Variants in TENM3 observed in about 807,000 individuals in gnomAD.
TENM3 encodes the protein teneurin-3.
A neutral mutation model predicts 255.1 loss-of-function variants in TENM3; 63 were observed. That is an observed-to-expected ratio of 0.25 (90% CI 0.20 to 0.30). The LOEUF is 0.30. Among genes scored for constraint, TENM3 ranks in the 10% least tolerant of loss-of-function variants. The pLI, the probability that TENM3 is intolerant of heterozygous loss-of-function variation, is 1.00. For synonymous variants in TENM3, 1,306 were observed against 1,322.3 expected (o/e 0.99, Z 0.27); for missense variants, 2,929 against 3,461.1 (o/e 0.85, Z 3.86).
At chr4:182,621,803 A>AAT (rs1457913587) in intron 4 of TENM3, among the ~76,000 whole-genome samples, 4,040 of 13,970 alleles carry the variant, frequency 0.29, 157 homozygotes, top group East Asian at 0.52. Flanking sequence ...AATATATAAT[A>AAT]TATATATTAT....
intron 12 of TENM3, among the ~76,000 whole-genome samples, chr4:182,700,543 A>G (rs567670246): frequency 3.3e-5 from 5 of 152,276 alleles, no homozygotes; most frequent in South Asian, 2.1e-4. Flanking sequence ...GTTGCTCTTC[A>G]TGATAAGTTC....
the TENM3 span, among the ~76,000 whole-genome samples, chr4:181,848,080 C>A: frequency 2.6e-5 from 4 of 152,216 alleles, no homozygotes; most frequent in East Asian, 5.8e-4. Context: ...TTTTGCATTG[C>A]GCCCTTTATC....
At chr4:182,300,458 G>A (rs1051067891) in intron 1 of TENM3, among the ~76,000 whole-genome samples, 1 of 152,140 alleles carries the variant, frequency 6.6e-6, no homozygotes, top group Non-Finnish European at 1.5e-5. Context: ...AAGATGTTGG[G>A]TACATGTTAC....
the TENM3 span, among the ~76,000 whole-genome samples, chr4:181,839,384 T>TATGTATACAC: frequency 1.2e-5 from 1 of 83,496 alleles, no homozygotes; most frequent in Non-Finnish European, 2.3e-5. Context: ...TATATATATA[T>TATGTATACAC]ACACCTATAT....
chr4:181,484,254 C>T, the TENM3 span, among the ~76,000 whole-genome samples: 4 of 152,038 alleles, frequency 2.6e-5, no homozygotes, highest in Non-Finnish European at 4.4e-5. Context: ...CTTGATCACT[C>T]GGGAGAGATT....
At chr4:182,718,767 C>T (rs899562041) in intron 13 of TENM3, among the ~76,000 whole-genome samples, 2 of 152,156 alleles carry the variant, frequency 1.3e-5, no homozygotes, top group African/African-American at 4.8e-5. Context: ...CTATCTAATT[C>T]TCCCCATATA....
chr4:182,579,623 T>C (rs1221196789), intron 3 of TENM3, among the ~76,000 whole-genome samples: 1 of 152,190 alleles, frequency 6.6e-6, no homozygotes, highest in Non-Finnish European at 1.5e-5. Flanking sequence ...ATGTTTTCCT[T>C]TAAGATTTTT....
intron 3 of TENM3, among the ~76,000 whole-genome samples, chr4:182,388,675 G>T (rs144972556): frequency 6.6e-6 from 1 of 152,142 alleles, no homozygotes; most frequent in African/African-American, 2.4e-5. Flanking sequence ...AGAACATTTG[G>T]TAGAAGATTA....
rs532672924 is a variant in TENM3 at position 182,728,388 on chromosome 4, C to G, written c.2369-577C>G. On this transcript the variant is annotated intron_variant, in intron 13 of 27. Transcript: ENST00000511685. ...AATCCATATTCCTTCATACTCCTACCAATAGATTGTTCTAATCACTAATTT... is the reference window on the plus strand; with the variant it reads ...AATCCATATTCCTTCATACTCCTACGAATAGATTGTTCTAATCACTAATTT... Among the ~76,000 whole-genome samples the G allele has an allele frequency of 4.6e-5, 7 of 152,266 alleles. No individual in the cohort carries two copies. The South Asian group carries it at 1.5e-3, about 32-fold the overall frequency.
chr4:181,762,481 G>A, the TENM3 span, among the ~76,000 whole-genome samples: 1 of 152,110 alleles, frequency 6.6e-6, no homozygotes, highest in African/African-American at 2.4e-5. Context: ...TGTAAGCCAT[G>A]GTTTGAAGAC....
the TENM3 span, among the ~76,000 whole-genome samples, chr4:181,595,625 CAT>C: frequency 1.3e-5 from 2 of 152,034 alleles, no homozygotes; most frequent in African/African-American, 4.8e-5. Context: ...CCAAGTGACT[CAT>C]ATGTGCATTA....
the TENM3 span, among the ~76,000 whole-genome samples, chr4:181,793,566 G>C: frequency 6.6e-6 from 1 of 152,128 alleles, no homozygotes; most frequent in Non-Finnish European, 1.5e-5. Flanking sequence ...GCACAGTAGG[G>C]AACTTGGCTT....
chr4:181,545,119 A>C, the TENM3 span, among the ~76,000 whole-genome samples: 5 of 152,206 alleles, frequency 3.3e-5, no homozygotes, highest in African/African-American at 1.2e-4. Context: ...ACATTGAATG[A>C]TTTTGAAGCT....
At chr4:182,393,556 G>T (rs1768589994) in intron 3 of TENM3, among the ~76,000 whole-genome samples, 1 of 152,056 alleles carries the variant, frequency 6.6e-6, no homozygotes, top group South Asian at 2.1e-4. Context: ...TCTTATCTTA[G>T]AATTTCATAA....
intron 3 of TENM3, among the ~76,000 whole-genome samples, chr4:182,461,141 T>G (rs1174082378): frequency 1.3e-5 from 2 of 152,250 alleles, no homozygotes; most frequent in Non-Finnish European, 2.9e-5. Flanking sequence ...TTATAATATC[T>G]TCATTCACTT....
chr4:182,156,011 A>AT lies in TENM3; in HGVS notation c.-76+11277dup, dbSNP rs56399249. Among the ~76,000 whole-genome samples, 1,176 of 118,516 alleles carry AT rather than the reference A, an allele frequency of 9.9e-3. 16 individuals carry two copies. Among genetic ancestry groups the AT allele is most frequent in the African/African-American group, 0.03 (915 of 30,948 alleles). 77.8% of individuals were successfully genotyped at this position (118,516 alleles called of 152,430 possible). On this transcript the variant is annotated intron_variant, in intron 1 of 2. Coordinates refer to the TENM3 transcript ENST00000512480. ...TTGCTGTCTCCACAGCTGTTTGAGG[A>AT]TTTTTTTTTTTTTTTTTTTTGCAAA...
the TENM3 span, among the ~76,000 whole-genome samples, chr4:181,932,410 A>G: frequency 6.6e-6 from 1 of 152,284 alleles, no homozygotes; most frequent in African/African-American, 2.4e-5. Flanking sequence ...AACATATGAA[A>G]AAAAGCTCAT....
chr4:182,609,254 C>T (rs1748752881), intron 4 of TENM3, among the ~76,000 whole-genome samples: 1 of 152,204 alleles, frequency 6.6e-6, no homozygotes, highest in Non-Finnish European at 1.5e-5. Flanking sequence ...CCACCACACC[C>T]AGCCTTAATT....
At chr4:182,656,133 A>G (rs1180068786) in intron 6 of TENM3, among the ~76,000 whole-genome samples, 1 of 152,138 alleles carries the variant, frequency 6.6e-6, no homozygotes, top group East Asian at 1.9e-4. Context: ...TAAGCGAAGT[A>G]CTTTCTTCCT....
Sources: allele counts gnomAD v4.1 joint callset (sites outside exome capture counted in the v4.1 genomes callset), GRCh38; gene constraint gnomAD v4.1.1; transcripts MANE v1.5; gene names NCBI Gene and HGNC (gene_info 2026-07-23, HGNC 2026-07-21).